OPCML: variants seen among roughly 807,000 people sequenced by gnomAD.
OPCML encodes opioid binding protein/cell adhesion molecule like, also known as opioid-binding protein/cell adhesion molecule.
In OPCML, 13 loss-of-function variants were observed where a neutral mutation model predicts 37.8. The observed-to-expected ratio is 0.34, with a 90% CI of 0.22 to 0.55. OPCML has a LOEUF of 0.55. OPCML is among the 20% of genes least tolerant of loss of function. The probability of loss-of-function intolerance (pLI) is 0.91; values close to 1 mark genes in which losing one functional copy is unlikely to be tolerated. For synonymous variants in OPCML, 176 were observed against 168.8 expected, an observed-to-expected ratio of 1.04 and a Z score of -0.33; for missense variants, 341 against 435.6, an observed-to-expected ratio of 0.78 and a Z score of 1.93.
intron 2 of OPCML, among the ~76,000 whole-genome samples, chr11:132,684,297 T>C (rs1185537198): frequency 6.6e-6 from 1 of 152,194 alleles, no homozygotes; most frequent in East Asian, 1.9e-4. Flanking sequence ...ATCTTTGAGA[T>C]AGGCAACTTT....
At chr11:133,164,664 C>T (rs1191966251) in intron 1 of OPCML, among the ~76,000 whole-genome samples, 1 of 152,222 alleles carries the variant, frequency 6.6e-6, no homozygotes, top group Non-Finnish European at 1.5e-5. Context: ...GCAGTCAGTG[C>T]TCTATAAATG....
intron 2 of OPCML, among the ~76,000 whole-genome samples, chr11:132,843,842 A>G (rs915352272): frequency 6.6e-6 from 1 of 152,200 alleles, no homozygotes; most frequent in Non-Finnish European, 1.5e-5. Context: ...GTATACATAC[A>G]TGGAGAGATT....
intron 2 of OPCML, among the ~76,000 whole-genome samples, chr11:132,700,666 T>G (rs1943770123): frequency 6.6e-6 from 1 of 152,212 alleles, no homozygotes; most frequent in South Asian, 2.1e-4. Context: ...AATTTTAAAC[T>G]TCTTAAATTT....
intron 1 of OPCML, among the ~76,000 whole-genome samples, chr11:133,276,082 C>T (rs992834062): frequency 3.9e-5 from 6 of 152,056 alleles, no homozygotes; most frequent in Non-Finnish European, 8.8e-5. Flanking sequence ...AAATGACTTC[C>T]CAGAAATCAG....
intron 2 of OPCML, among the ~76,000 whole-genome samples, chr11:132,704,579 G>A (rs1943957951): frequency 6.6e-6 from 1 of 152,192 alleles, no homozygotes; most frequent in Non-Finnish European, 1.5e-5. Flanking sequence ...ATATGAAAAT[G>A]TATACATTTA....
At chr11:133,331,985 T>G (rs2136650215) in intron 1 of OPCML, among the ~76,000 whole-genome samples, 1 of 152,334 alleles carries the variant, frequency 6.6e-6, no homozygotes, top group South Asian at 2.1e-4. Flanking sequence ...CATTCGTAGT[T>G]TGATAGGAGT....
intron 1 of OPCML, among the ~76,000 whole-genome samples, chr11:133,117,549 C>T (rs914118723): frequency 1.3e-5 from 2 of 152,098 alleles, no homozygotes; most frequent in African/African-American, 4.8e-5. Context: ...CTATTTCTGA[C>T]ATAGGTAGTT....
chr11:133,023,590 C>T (rs1411486017), intron 1 of OPCML, among the ~76,000 whole-genome samples: 3 of 152,178 alleles, frequency 2.0e-5, no homozygotes, highest in African/African-American at 7.2e-5. Flanking sequence ...CTAGGCTCCG[C>T]TGGAGCTGAC....
rs186720064 is a variant in OPCML, at chr11:133,371,282, C to A, written c.61+160982G>T. ...TTGAAAAATTAAAAAATATAACTAC[C>A]TGAAATGCAGCTGACCTACTACTGG... On this transcript the variant is annotated intron_variant, in intron 1 of 7. Coordinates refer to ENST00000524381, the MANE Select transcript of OPCML (RefSeq NM_001012393.5). 3.1e-3 allele frequency among the ~76,000 whole-genome samples: 469 copies of A among 152,232 alleles called. 2 individuals are homozygous for A. Among genetic ancestry groups the A allele is most frequent in the African/African-American group, 9.9e-3 (412 of 41,524 alleles).
At chr11:133,246,740 G>C (rs903655345) in intron 1 of OPCML, among the ~76,000 whole-genome samples, 12 of 152,180 alleles carry the variant, frequency 7.9e-5, no homozygotes, top group Non-Finnish European at 1.8e-4. Flanking sequence ...AATTATAATT[G>C]TGTTATAGAA....
chr11:133,257,430 T>C (rs2136448107), intron 1 of OPCML, among the ~76,000 whole-genome samples: 1 of 152,308 alleles, frequency 6.6e-6, no homozygotes, highest in East Asian at 1.9e-4. Flanking sequence ...TCCCTAATAA[T>C]AGGAATCACG....
intron 1 of OPCML, among the ~76,000 whole-genome samples, chr11:133,347,805 G>A (rs1278021606): frequency 6.6e-6 from 1 of 152,120 alleles, no homozygotes; most frequent in Non-Finnish European, 1.5e-5. Context: ...AATATACTTG[G>A]GGGTGAGATC....
intron 4 of OPCML, among the ~76,000 whole-genome samples, chr11:132,481,700 A>G (rs1232545749): frequency 6.7e-6 from 1 of 149,940 alleles, no homozygotes; most frequent in Non-Finnish European, 1.5e-5. Flanking sequence ...GTAAAAGAAC[A>G]GAAATTATAA....
At chr11:132,911,283 T>C (rs1372264148) in intron 2 of OPCML, among the ~76,000 whole-genome samples, 2 of 152,246 alleles carry the variant, frequency 1.3e-5, no homozygotes, top group African/African-American at 4.8e-5. Context: ...GCAACAGATA[T>C]ATGTCCTAGC....
intron 4 of OPCML, among the ~76,000 whole-genome samples, chr11:132,466,401 G>A (rs1433134981): frequency 2.6e-5 from 4 of 151,334 alleles, no homozygotes; most frequent in Non-Finnish European, 5.9e-5. Flanking sequence ...GGAGAATGGC[G>A]TGAACCCGCG....
At chr11:132,441,459 C>T (rs192190532) in intron 4 of OPCML, among the ~76,000 whole-genome samples, 4 of 152,184 alleles carry the variant, frequency 2.6e-5, no homozygotes, top group Admixed American at 1.3e-4. Context: ...TGAGCCACCG[C>T]GCCCGGCCCA....
chr11:132,718,622 T>C (rs530270815), intron 2 of OPCML, among the ~76,000 whole-genome samples: 7 of 152,248 alleles, frequency 4.6e-5, no homozygotes, highest in South Asian at 4.2e-4. Flanking sequence ...ATACGTGTCC[T>C]ATGTGGCTAG....
chr11:133,368,644 C>CT (rs1190682979), intron 1 of OPCML, among the ~76,000 whole-genome samples: 2 of 152,142 alleles, frequency 1.3e-5, no homozygotes, highest in Non-Finnish European at 2.9e-5. Context: ...GACTTTTTAT[C>CT]TTTTTTATCT....
chr11:132,711,050 G>A (rs1327458382), intron 2 of OPCML, among the ~76,000 whole-genome samples: 1 of 152,136 alleles, frequency 6.6e-6, no homozygotes, highest in Admixed American at 6.5e-5. Flanking sequence ...GGAGACCAAC[G>A]CCAGTGACAG....
Sources: allele counts gnomAD v4.1 joint callset (sites outside exome capture counted in the v4.1 genomes callset), GRCh38; gene constraint gnomAD v4.1.1; transcripts MANE v1.5; gene names NCBI Gene and HGNC (gene_info 2026-07-23, HGNC 2026-07-21).